Variants in HNRNPUL2 observed in about 807,000 individuals in gnomAD.
HNRNPUL2 encodes heterogeneous nuclear ribonucleoprotein U-like protein 2.
In HNRNPUL2, 27 loss-of-function variants were observed where a neutral mutation model predicts 102.2. That is an observed-to-expected ratio of 0.26 (90% CI 0.19 to 0.36). The LOEUF is 0.36. Among genes scored for constraint, HNRNPUL2 ranks in the 10% least tolerant of loss-of-function variants. The probability of loss-of-function intolerance (pLI) is 1.00; values close to 1 mark genes in which losing one functional copy is unlikely to be tolerated. For missense variants in HNRNPUL2, 936 were observed against 981.1 expected, an observed-to-expected ratio of 0.95 and a Z score of 0.61; for synonymous variants, 458 against 387.2, an observed-to-expected ratio of 1.18 and a Z score of -2.15.
intron 10 of HNRNPUL2, among the ~76,000 whole-genome samples, chr11:62,717,720 G>T (rs955863660): frequency 6.6e-6 from 1 of 152,184 alleles, no homozygotes; most frequent in African/African-American, 2.4e-5. Flanking sequence ...GCCAGGCATG[G>T]TGGCAGGTGC....
chr11:62,725,223 A>T (rs975243777), intron 1 of HNRNPUL2, among the ~76,000 whole-genome samples: 1 of 152,122 alleles, frequency 6.6e-6, no homozygotes, highest in Non-Finnish European at 1.5e-5. Context: ...TTTGAGACAG[A>T]GTCTCGTTCT....
At chr11:62,720,219 T>C in intron 9 of HNRNPUL2, 28 bp from the exon 10 acceptor site, 3 of 1,606,474 alleles carry the variant, frequency 1.9e-6, no homozygotes, top group Non-Finnish European at 2.6e-6. Context: ...AACTGATGTT[T>C]AGGAAGAAAA....
chr11:62,720,691 T>C (rs967786517), intron 9 of HNRNPUL2, among the ~76,000 whole-genome samples: 3 of 151,642 alleles, frequency 2.0e-5, no homozygotes, highest in Non-Finnish European at 4.4e-5. Context: ...GATGAAACCC[T>C]GTCTCTACTA....
chr11:62,715,258 A>G lies in HNRNPUL2; in HGVS notation c.*41T>C, dbSNP rs200968865. ...TTGCGGGGGTGCCTGGCACCCCCAG[A>G]GATTCAGCTTCATGGCTGACAGGTG... On this transcript the variant is annotated 3_prime_UTR_variant, in exon 14 of 14. Transcript: ENST00000301785. 24 of 1,507,966 alleles carry G rather than the reference A, an allele frequency of 1.6e-5. No individual in the cohort carries two copies. The African/African-American group carries it at 3.1e-4, about 20-fold the overall frequency. 93.4% of individuals were successfully genotyped at this position (1,507,966 alleles called of 1,614,324 possible).
At chr11:62,723,223 A>G (rs913488596) in intron 4 of HNRNPUL2, among the ~76,000 whole-genome samples, 3 of 152,186 alleles carry the variant, frequency 2.0e-5, no homozygotes, top group Non-Finnish European at 2.9e-5. Flanking sequence ...CAGGTGCGGT[A>G]GCTCATGCCT....
In HNRNPUL2 at chr11:62,715,503, C is replaced by T; in HGVS notation, c.2160G>A (p.Arg720=). The change falls in exon 13 of 14, where the codon CGG becomes CGA. Residue 720 remains arginine (R), a synonymous_variant. Coordinates refer to ENST00000301785, the MANE Select transcript of HNRNPUL2 (RefSeq NM_001079559.3). The part of the protein sequence containing the change: ...RYRDYYRQYN[R]DWQSYYYHHP... ...TCTATCCCAAGAAGATACTCACATCCCGATTGTATTGTCTGTAATAGTCTC... is the reference window on the plus strand; with the variant it reads ...TCTATCCCAAGAAGATACTCACATCTCGATTGTATTGTCTGTAATAGTCTC... 6.2e-7 allele frequency: 1 copy of T among 1,608,944 alleles called. No homozygotes were observed. The highest frequency in any genetic ancestry group is 8.5e-7 in the Non-Finnish European group (1 of 1,175,626).
chr11:62,723,643 A>G lies in HNRNPUL2; in HGVS notation c.835T>C (p.Ser279Pro). ...ACTCCGTAAGTACTCCTTGCCCCAG[A>G]CCAAAGGGTGGGGAACTTCTCTGAG... ...LFSEKFPTLW[S>P]GARSTYGVTK... The change falls in exon 4 of 14, where the codon TCT (serine) becomes CCT (proline). Residue 279 changes from serine (S) to proline (P), a missense_variant. Coordinates refer to ENST00000301785, the MANE Select transcript of HNRNPUL2 (RefSeq NM_001079559.3). 6.2e-7 allele frequency: 1 copy of G among 1,614,118 alleles called. No homozygotes were observed. The highest frequency in any genetic ancestry group is 1.3e-5 in the African/African-American group (1 of 75,028).
At chr11:62,722,746 C>T (rs1227267715) in intron 5 of HNRNPUL2, 33 bp from the exon 6 acceptor site, 13 of 1,605,620 alleles carry the variant, frequency 8.1e-6, no homozygotes, top group African/African-American at 1.3e-5. Flanking sequence ...TACCTACAAC[C>T]GGACTTCCCA....
chr11:62,726,596 G>A, intron 1 of HNRNPUL2, 23 bp downstream of exon 1: 1 of 1,516,966 alleles, frequency 6.6e-7, no homozygotes, highest in Non-Finnish European at 8.8e-7. Context: ...GGTTGGAGCC[G>A]GGCTCGGCTG....
In HNRNPUL2 at chr11:62,726,864, G is replaced by A. The variant is rs995919403; in HGVS notation, c.293C>T (p.Pro98Leu). The change falls in exon 1 of 14, where the codon CCC becomes CTC. Residue 98 changes from proline to leucine, a missense_variant. Around this residue, in one of 2 missense-constraint regions of HNRNPUL2, gnomAD observed 327 missense variants for 268.1 expected, o/e 1.22. Transcript: ENST00000301785. ...GGCCTGACCCAAGGCTTGAGCAGGG[G>A]GTGGCTCCTCGTCCTCGTCCTCAAG... The part of the protein sequence containing the change: ...ALLEDEDEEP[P>L]PAQALGQAAQ... 3.8e-6 allele frequency: 6 copies of A among 1,583,628 alleles called. No individual in the cohort carries two copies. The South Asian group carries it at 4.5e-5, about 12-fold the overall frequency.
At chr11:62,723,802 T>C (rs976322087) in intron 3 of HNRNPUL2, 76 bp from the exon 4 acceptor site, 4 of 1,603,462 alleles carry the variant, frequency 2.5e-6, no homozygotes, top group South Asian at 1.1e-5. Flanking sequence ...AGTATACCAG[T>C]TGTTGTAGTG....
At position 62,727,225 on chromosome 11, in the gene HNRNPUL2, C is replaced by G; in HGVS notation, c.-69G>C. 7.6e-7 allele frequency: 1 copy of G among 1,308,362 alleles called. No individual in the cohort carries two copies. The highest frequency in any genetic ancestry group is 2.0e-5 in the South Asian group (1 of 51,054). The allele number at this position is 1,308,362 out of a possible 1,614,324, so 81.0% of individuals were successfully genotyped here. A position where few individuals can be genotyped will look rare whatever the true frequency, so the allele number is the denominator to read the frequency against. ...GAACCGTCGACCGAGTCCGACCGCG[C>G]AGGCGCCGCCGCCGCCGCCCGCCTC... On this transcript the variant is annotated 5_prime_UTR_variant, in exon 1 of 14. Transcript: ENST00000301785.
chr11:62,727,211 C>A lies in HNRNPUL2; in HGVS notation c.-55G>T. 4 of 1,332,624 alleles carry A rather than the reference C, an allele frequency of 3.0e-6. No individual in the cohort carries two copies. The highest frequency in any genetic ancestry group is 1.8e-5 in the South Asian group (1 of 56,118). The allele number at this position is 1,332,624 out of a possible 1,614,324, so 82.5% of individuals were successfully genotyped here. On this transcript the variant is annotated 5_prime_UTR_variant, in exon 1 of 14. Coordinates refer to ENST00000301785, the MANE Select transcript of HNRNPUL2 (RefSeq NM_001079559.3). ...GCCTCCTCCCCTGCGAACCGTCGAC[C>A]GAGTCCGACCGCGCAGGCGCCGCCG...
chr11:62,716,182 C>T (rs980636332), intron 11 of HNRNPUL2, among the ~76,000 whole-genome samples: 1 of 152,116 alleles, frequency 6.6e-6, no homozygotes, highest in South Asian at 2.1e-4. Context: ...CCAATTCCTG[C>T]AAAACATTTA....
At position 62,720,133 on chromosome 11, in the gene HNRNPUL2, C is replaced by T. The variant is rs745328564; in HGVS notation, c.1670G>A (p.Arg557Gln). 1 of 1,614,092 alleles carries T rather than the reference C, an allele frequency of 6.2e-7. No individual in the cohort carries two copies. The highest frequency in any genetic ancestry group is 8.5e-7 in the Non-Finnish European group (1 of 1,179,958). Residue 557 changes from arginine to glutamine, a missense_variant, in exon 10 of 14, where the codon CGG (arginine) becomes CAG (glutamine). Around this residue, in one of 2 missense-constraint regions of HNRNPUL2, gnomAD observed 609 missense variants for 713.0 expected, o/e 0.85. Coordinates refer to ENST00000301785, the MANE Select transcript of HNRNPUL2 (RefSeq NM_001079559.3). ...RKLLLFKTFS[R>Q]KVVVVVPNEE... Reference sequence around the variant, plus strand: ...ATTAGGGACAACCACCACCACTTTCCGAGAGAAGGTCTTGAACAGCAATAG... The same window carrying T: ...ATTAGGGACAACCACCACCACTTTCTGAGAGAAGGTCTTGAACAGCAATAG...
intron 1 of HNRNPUL2, among the ~76,000 whole-genome samples, chr11:62,726,315 T>C (rs2083745919): frequency 6.6e-6 from 1 of 152,098 alleles, no homozygotes; most frequent in African/African-American, 2.4e-5. Flanking sequence ...CTAAGAAAAA[T>C]ATAACAAGCA....
At chr11:62,723,539 G>C in intron 4 of HNRNPUL2, 48 bp downstream of exon 4, 1 of 1,516,630 alleles carries the variant, frequency 6.6e-7, no homozygotes, top group Non-Finnish European at 8.9e-7. Flanking sequence ...AGAACCGTAA[G>C]CATCCAGTAA....
rs766483354 is a variant in HNRNPUL2 at position 62,726,649 on chromosome 11, CCTCGGATCCCGGCGT to C, written c.493_507del (p.Thr165_Glu169del). 5 of 1,596,970 alleles carry C rather than the reference CCTCGGATCCCGGCGT, an allele frequency of 3.1e-6. No individual in the cohort carries two copies. The highest frequency in any genetic ancestry group is 4.2e-6 in the Non-Finnish European group (5 of 1,178,124). On this transcript the variant is annotated inframe_deletion, in exon 1 of 14. Transcript: ENST00000301785. ...TCCTCGGCGGCCTTGTCACCCGGCA[CCTCGGATCCCGGCGT>C]CTCGTCCCCGCTCCGCTCCTCGGGT...
intron 1 of HNRNPUL2, among the ~76,000 whole-genome samples, chr11:62,725,755 C>G (rs1025992936): frequency 3.9e-5 from 6 of 152,182 alleles, no homozygotes; most frequent in Admixed American, 3.9e-4. Flanking sequence ...TTCTAACCAT[C>G]CAATCACTTC....
Sources: allele counts gnomAD v4.1 joint callset (sites outside exome capture counted in the v4.1 genomes callset), GRCh38; gene constraint gnomAD v4.1.1; regional missense constraint gnomAD v4.1.1; transcripts MANE v1.5; gene names NCBI Gene and HGNC (gene_info 2026-07-23, HGNC 2026-07-21).